The following CACNA1A variants were observed in gnomAD, a reference collection of about 807,000 sequenced individuals.
CACNA1A encodes voltage-dependent P/Q-type calcium channel subunit alpha-1A.
In CACNA1A, 57 loss-of-function variants were observed where a neutral mutation model predicts 262.4. That is an observed-to-expected ratio of 0.22 (90% CI 0.18 to 0.27). The LOEUF is 0.27. Ranked by LOEUF, CACNA1A falls within the 10% of genes least tolerant of loss-of-function variation. CACNA1A has a pLI of 1.00. For missense variants in CACNA1A, 2,526 were observed against 3,562.8 expected, an observed-to-expected ratio of 0.71 and a Z score of 7.41; for synonymous variants, 1,431 against 1,419.3, an observed-to-expected ratio of 1.01 and a Z score of -0.18.
rs747839222 is a variant in CACNA1A, at chr19:13,245,276, G to C, written c.4867-11C>G. 5.6e-6 allele frequency: 9 copies of C among 1,611,084 alleles called. No individual in the cohort carries two copies. Among genetic ancestry groups the C allele is most frequent in the Non-Finnish European group, 7.6e-6 (9 of 1,177,194 alleles). On this transcript the variant is annotated splice_polypyrimidine_tract_variant and intron_variant, in intron 30 of 46. Transcript: ENST00000360228. ...ATCGCGGAAATAATTCTAGAATGGG[G>C]ACCCACAAGACAGAGATGCCAACAG...
chr19:13,433,213 A>T (rs1406317740), intron 3 of CACNA1A, among the ~76,000 whole-genome samples: 1 of 151,468 alleles, frequency 6.6e-6, no homozygotes, highest in African/African-American at 2.4e-5. Context: ...GAATGGCATG[A>T]ACCTGGGAGA....
chr19:13,223,233 A>G (rs1245630211), intron 38 of CACNA1A, among the ~76,000 whole-genome samples: 1 of 151,682 alleles, frequency 6.6e-6, no homozygotes, highest in African/African-American at 2.4e-5. Context: ...TTGCTCTGTC[A>G]CCCAGGCTGT....
chr19:13,308,656 G>T lies in CACNA1A; in HGVS notation c.1669-128C>A. 1 of 600,436 alleles carries T rather than the reference G, an allele frequency of 1.7e-6. No individual in the cohort carries two copies. Among genetic ancestry groups the T allele is most frequent in the Non-Finnish European group, 3.0e-6 (1 of 338,130 alleles). The allele number at this position is 600,436 out of a possible 1,614,324, so 37.2% of individuals were successfully genotyped here. A position where few individuals can be genotyped will look rare whatever the true frequency, so the allele number is the denominator to read the frequency against. ...TCCCTCCAAATGGAAGCCGGGTGAGGATCCTTGACCCCCTCATTCATCCAT... is the reference window on the plus strand; with the variant it reads ...TCCCTCCAAATGGAAGCCGGGTGAGTATCCTTGACCCCCTCATTCATCCAT... On this transcript the variant is annotated intron_variant, in intron 12 of 46. Transcript: ENST00000360228. The surrounding 1 kb of genome is among the most constrained non-coding windows in gnomAD (Gnocchi z 4.2).
intron 6 of CACNA1A, among the ~76,000 whole-genome samples, chr19:13,346,767 T>A (rs2058795912): frequency 7.1e-6 from 1 of 140,380 alleles, no homozygotes; most frequent in Non-Finnish European, 1.5e-5. Flanking sequence ...GTAACCTCTG[T>A]CTCCTGGGTT....
intron 5 of CACNA1A, among the ~76,000 whole-genome samples, chr19:13,360,251 G>A (rs1383513717): frequency 1.0e-5 from 1 of 97,200 alleles, no homozygotes; most frequent in African/African-American, 3.5e-5. Flanking sequence ...TTAGGTGTCT[G>A]TGTGTGTGTG....
intron 23 of CACNA1A, among the ~76,000 whole-genome samples, chr19:13,276,489 G>A (rs893267359): frequency 1.3e-5 from 2 of 152,134 alleles, no homozygotes; most frequent in African/African-American, 4.8e-5. Flanking sequence ...GAGCCGAAGA[G>A]CCCTCTCTGT....
chr19:13,294,487 C>CTTTTTTTTTTTTTTTTTTTTTTT lies in CACNA1A; in HGVS notation c.3089+4034_3089+4056dup, dbSNP rs780908964. Reference sequence around the variant, plus strand: ...TACAGGTGCATACCACTGTACCTGGCTTTTTTTTTTTTTTTTTTTTTTTGA... The same window carrying CTTTTTTTTTTTTTTTTTTTTTTT: ...TACAGGTGCATACCACTGTACCTGGCTTTTTTTTTTTTTTTTTTTTTTTTTTTTTTTTTTTTTTTTTTTTTTGA... On this transcript the variant is annotated intron_variant, in intron 19 of 46. Coordinates refer to ENST00000360228, the MANE Select transcript of CACNA1A (RefSeq NM_001127222.2). Among the ~76,000 whole-genome samples, 19 of 72,522 alleles carry CTTTTTTTTTTTTTTTTTTTTTTT rather than the reference C, an allele frequency of 2.6e-4. 2 individuals are homozygous for CTTTTTTTTTTTTTTTTTTTTTTT. Among genetic ancestry groups the CTTTTTTTTTTTTTTTTTTTTTTT allele is most frequent in the East Asian group, 1.0e-3 (2 of 2,000 alleles). The allele number at this position is 72,522 out of a possible 152,430, so 47.6% of individuals were successfully genotyped here.
rs761088239 is a variant in CACNA1A at position 13,334,339 on chromosome 19, G to C, written c.1198+39C>G. The C allele has an allele frequency of 1.0e-5, 11 of 1,052,932 alleles. No individual in the cohort carries two copies. The Middle Eastern group carries it at 6.4e-4, about 61-fold the overall frequency. The allele number at this position is 1,052,932 out of a possible 1,614,324, so 65.2% of individuals were successfully genotyped here. A position where few individuals can be genotyped will look rare whatever the true frequency, so the allele number is the denominator to read the frequency against. Reference sequence around the variant, plus strand: ...GACTCTCTTTGTACTCCGTGGCCTGGGATCTCCATCCCTGGGCCCCAGGAT... The same window carrying C: ...GACTCTCTTTGTACTCCGTGGCCTGCGATCTCCATCCCTGGGCCCCAGGAT... On this transcript the variant is annotated intron_variant, in intron 8 of 46. Transcript: ENST00000360228.
intron 1 of CACNA1A, among the ~76,000 whole-genome samples, chr19:13,495,922 C>T (rs1981449948): frequency 6.6e-6 from 1 of 152,052 alleles, no homozygotes; most frequent in South Asian, 2.1e-4. Flanking sequence ...TCCATTTGTC[C>T]ACCCACCCAT....
rs4926149 is a variant in CACNA1A at position 13,334,060 on chromosome 19, C to T, written c.1198+318G>A. On this transcript the variant is annotated intron_variant, in intron 8 of 46. Coordinates refer to ENST00000360228, the MANE Select transcript of CACNA1A (RefSeq NM_001127222.2). ...CAATAGTACTATGACTTAGGCACTA[C>T]CATCGCCTCCATGTAACAGCTGAGG... is the stretch of plus-strand genomic sequence containing the variant. 179,492 of 277,536 alleles carry T rather than the reference C, an allele frequency of 0.65. 58,716 individuals are homozygous for T. The highest frequency in any genetic ancestry group is 0.74 in the Admixed American group (15,571 of 21,024). The allele number at this position is 277,536 out of a possible 1,614,324, so 17.2% of individuals were successfully genotyped here.
intron 19 of CACNA1A, among the ~76,000 whole-genome samples, chr19:13,291,961 C>T (rs1212500496): frequency 1.3e-5 from 2 of 152,114 alleles, no homozygotes; most frequent in African/African-American, 4.8e-5. Context: ...GTCATGGTGA[C>T]AGATGCAGGT....
At chr19:13,436,237 T>C (rs1377501383) in intron 3 of CACNA1A, among the ~76,000 whole-genome samples, 2 of 152,200 alleles carry the variant, frequency 1.3e-5, no homozygotes, top group African/African-American at 4.8e-5. Context: ...GCTTCCCACA[T>C]TGTCCCCTTG....
chr19:13,222,196 G>A (rs191687297), intron 38 of CACNA1A, among the ~76,000 whole-genome samples: 7 of 150,806 alleles, frequency 4.6e-5, no homozygotes, highest in Admixed American at 3.3e-4. Flanking sequence ...CACACGCCAC[G>A]ACACCCGGCT....
At chr19:13,378,811 G>T in intron 3 of CACNA1A, among the ~76,000 whole-genome samples, 1 of 151,564 alleles carries the variant, frequency 6.6e-6, no homozygotes, top group East Asian at 1.9e-4. Context: ...GGGCTTATAG[G>T]TGTGCACCAC....
intron 15 of CACNA1A, among the ~76,000 whole-genome samples, chr19:13,305,779 G>C (rs938500046): frequency 6.6e-5 from 10 of 152,040 alleles, no homozygotes; most frequent in Non-Finnish European, 1.5e-5. Flanking sequence ...AATCGCTTAT[G>C]GGCCAGGTGT....
chr19:13,473,141 C>A (rs2145044458), intron 1 of CACNA1A, among the ~76,000 whole-genome samples: 1 of 152,046 alleles, frequency 6.6e-6, no homozygotes, highest in African/African-American at 2.4e-5. Context: ...TAAGTCCCAG[C>A]TGCTCAGGAG....
chr19:13,429,197 C>T (rs2060458058), intron 3 of CACNA1A, among the ~76,000 whole-genome samples: 1 of 151,574 alleles, frequency 6.6e-6, no homozygotes, highest in Non-Finnish European at 1.5e-5. Context: ...CACACACACA[C>T]ACACACACAC....
At chr19:13,215,960 G>A (rs547250740) in intron 38 of CACNA1A, among the ~76,000 whole-genome samples, 16 of 152,122 alleles carry the variant, frequency 1.1e-4, no homozygotes, top group African/African-American at 2.4e-5. Context: ...TTGCTCTGTC[G>A]CCCAGGCTAG....
At chr19:13,340,377 A>G (rs1056162871) in intron 6 of CACNA1A, among the ~76,000 whole-genome samples, 6 of 151,390 alleles carry the variant, frequency 4.0e-5, no homozygotes, top group African/African-American at 1.5e-4. Context: ...TGGGTATATA[A>G]TTATCCCCAT....
Sources: gnomAD v4.1 joint callset for allele counts (sites outside exome capture counted in the v4.1 genomes callset) on GRCh38, gnomAD v4.1.1 for gene constraint, Gnocchi (gnomAD v3.1) non-coding constraint, MANE v1.5 for transcripts, NCBI Gene and HGNC (gene_info 2026-07-23, HGNC 2026-07-21) for gene names.